Variants in SMARCA4 observed in about 807,000 individuals in gnomAD.
SMARCA4 encodes the protein SWI/SNF related BAF chromatin remodeling complex subunit ATPase 4.
SMARCA4 carries 31 observed loss-of-function variants against 193.9 expected under a neutral mutation model. The observed-to-expected ratio is 0.16, with a 90% CI of 0.12 to 0.22. The LOEUF is 0.22. Ranked by LOEUF, SMARCA4 falls within the 10% of genes least tolerant of loss-of-function variation. The pLI is 1.00. For missense variants in SMARCA4, 1,148 were observed against 2,296.0 expected (o/e 0.50, Z 10.22); for synonymous variants, 942 against 933.1 (o/e 1.01, Z -0.17).
At chr19:11,029,696 G>T (rs1467908830) in intron 24 of SMARCA4, among the ~76,000 whole-genome samples, 2 of 152,044 alleles carry the variant, frequency 1.3e-5, no homozygotes, top group Admixed American at 1.3e-4. Flanking sequence ...TTTTTGAGAC[G>T]GAGTTTCACT....
rs1425800122 is a variant in SMARCA4 at position 11,021,889 on chromosome 19, C to T, written c.2781C>T (p.Phe927=). The T allele has an allele frequency of 6.2e-7, 1 of 1,613,852 alleles. No individual in the cohort carries two copies. The highest frequency in any genetic ancestry group is 1.1e-5 in the South Asian group (1 of 91,082). The change falls in exon 19 of 35, where the codon TTC becomes TTT. Residue 927 remains phenylalanine (F), a synonymous_variant. Transcript: ENST00000344626. ...KLPELWALLN[F]LLPTIFKSCS... is the part of the protein sequence containing the mutation. Reference sequence around the variant, plus strand: ...CCGAGCTCTGGGCGCTGCTCAACTTCCTGCTGCCCACCATCTTCAAGAGCT... The same window carrying T: ...CCGAGCTCTGGGCGCTGCTCAACTTTCTGCTGCCCACCATCTTCAAGAGCT...
At chr19:10,983,118 G>A (rs1451321370) in intron 1 of SMARCA4, among the ~76,000 whole-genome samples, 3 of 152,150 alleles carry the variant, frequency 2.0e-5, no homozygotes, top group Non-Finnish European at 2.9e-5. Context: ...GTGTGGGTGC[G>A]TCTTCAGCCA....
chr19:10,982,228 A>G (rs2085610072), intron 1 of SMARCA4, among the ~76,000 whole-genome samples: 1 of 152,040 alleles, frequency 6.6e-6, no homozygotes, highest in South Asian at 2.1e-4. Context: ...TAATCCCAGC[A>G]CTTTGGGAGG....
chr19:10,976,345 GCCTC>G (rs1434446443), intron 1 of SMARCA4, among the ~76,000 whole-genome samples: 3 of 152,114 alleles, frequency 2.0e-5, no homozygotes, highest in Non-Finnish European at 4.4e-5. Flanking sequence ...TACAGGGCTG[GCCTC>G]ACCCCAGCCC....
At chr19:10,988,385 G>A (rs751408639) in intron 6 of SMARCA4, among the ~76,000 whole-genome samples, 4 of 152,148 alleles carry the variant, frequency 2.6e-5, no homozygotes, top group Non-Finnish European at 5.9e-5. Context: ...GGGATTACAG[G>A]CATGAGCCAC....
Position 10,986,944 on chromosome 19 carries a change from G to A in SMARCA4, c.800G>A (p.Gly267Asp), listed in dbSNP as rs746986969. ...GPNMPPPGPS[G>D]VPPGMPGQPP... ...AACATGCCTCCCCCAGGACCCTCGG[G>A]CGTGCCCCCCGGGATGCCAGGCCAG... The change falls in exon 5 of 35, where the codon GGC (glycine) becomes GAC (aspartate). Residue 267 changes from glycine to aspartate, a missense_variant. This residue lies in a region of SMARCA4 where 257 missense variants were observed against 276.5 expected (regional missense o/e 0.93). Transcript: ENST00000344626. The surrounding 1 kb of genome is among the most constrained non-coding windows in gnomAD (Gnocchi z 6.7). 4 of 1,611,856 alleles carry A rather than the reference G, an allele frequency of 2.5e-6. No individual in the cohort carries two copies. Among genetic ancestry groups the A allele is most frequent in the Non-Finnish European group, 3.4e-6 (4 of 1,179,958 alleles).
At chr19:10,995,406 C>T (rs535085482) in intron 9 of SMARCA4, 18 of 463,672 alleles carry the variant, frequency 3.9e-5, no homozygotes, top group South Asian at 1.5e-4. Flanking sequence ...GCTCTGTGTA[C>T]GGGGACATGG....
chr19:10,993,712 CTCGGCTCACTGCA>C lies in SMARCA4; in HGVS notation c.1420-1115_1420-1103del, dbSNP rs561515471. Among the ~76,000 whole-genome samples, 259 of 152,098 alleles carry C rather than the reference CTCGGCTCACTGCA, an allele frequency of 1.7e-3. 1 individual carries two copies. The highest frequency in any genetic ancestry group is 6.8e-3 in the Middle Eastern group (2 of 294). On this transcript the variant is annotated intron_variant, in intron 8 of 34. Coordinates refer to ENST00000344626, the MANE Select transcript of SMARCA4 (RefSeq NM_003072.5). The stretch of plus-strand genomic sequence containing the variant: ...CCACGCTGGAGTGCAGTGGCGCGAT[CTCGGCTCACTGCA>C]AGCTCTGCCTGCTGGGTTCATGCCA...
chr19:11,017,941 A>G (rs1259919386), intron 16 of SMARCA4, among the ~76,000 whole-genome samples: 1 of 152,220 alleles, frequency 6.6e-6, no homozygotes, highest in African/African-American at 2.4e-5. Flanking sequence ...GAGAGTGGGC[A>G]GGGCAAAAGG....
intron 13 of SMARCA4, among the ~76,000 whole-genome samples, chr19:11,006,946 G>T (rs1028903024): frequency 6.6e-5 from 10 of 151,884 alleles, no homozygotes; most frequent in Non-Finnish European, 1.5e-4. Context: ...AATTAGCCAA[G>T]TGTCATAGTG....
At chr19:10,992,313 C>T (rs2086629111) in intron 8 of SMARCA4, among the ~76,000 whole-genome samples, 2 of 150,628 alleles carry the variant, frequency 1.3e-5, no homozygotes, top group African/African-American at 4.9e-5. Flanking sequence ...GATGGGGTTT[C>T]ACCATGTTGG....
chr19:11,027,476 C>T (rs577240169), intron 23 of SMARCA4, among the ~76,000 whole-genome samples: 1 of 152,308 alleles, frequency 6.6e-6, no homozygotes, highest in Admixed American at 6.5e-5. Context: ...CATCCCTGTT[C>T]CAGCCCCGTG....
rs544801052 is a variant in SMARCA4, at chr19:11,058,073, T to C, written c.4425-182T>C. 6.7e-6 allele frequency among the ~76,000 whole-genome samples: 1 copy of C among 150,082 alleles called. No homozygotes were observed. The highest frequency in any genetic ancestry group is 2.5e-5 in the African/African-American group (1 of 40,782). ...GTGAGCCGAGATCGCACCATTGCACTCCAGCCTGGGCAGCAAGAGCGAAAC... is the reference window on the plus strand; with the variant it reads ...GTGAGCCGAGATCGCACCATTGCACCCCAGCCTGGGCAGCAAGAGCGAAAC... On this transcript the variant is annotated intron_variant, in intron 30 of 34. Coordinates refer to ENST00000344626, the MANE Select transcript of SMARCA4 (RefSeq NM_003072.5). This position sits in a 1 kb window ranked among gnomAD's most constrained non-coding sequence, Gnocchi z 5.8.
rs775979881 is a variant in SMARCA4 at position 11,031,014 on chromosome 19, C to T, written c.3546+121C>T. 4.5e-5 allele frequency: 42 copies of T among 930,880 alleles called. No homozygotes were observed. The highest frequency in any genetic ancestry group is 1.3e-4 in the African/African-American group (8 of 61,446). 57.7% of individuals were successfully genotyped at this position (930,880 alleles called of 1,614,324 possible). On this transcript the variant is annotated intron_variant, in intron 25 of 34. Transcript: ENST00000344626. This position sits in a 1 kb window ranked among gnomAD's most constrained non-coding sequence, Gnocchi z 4.3. ...CCACATTGTCTTGGACCCCAGGAGC[C>T]GGGAGGAGCTGCACCCATATCTCCA...
rs2145728354 is a variant in SMARCA4, at chr19:10,984,399, A to C, written c.222+26A>C. 6.4e-7 allele frequency: 1 copy of C among 1,557,236 alleles called. No individual in the cohort carries two copies. Among genetic ancestry groups the C allele is most frequent in the Non-Finnish European group, 8.7e-7 (1 of 1,150,718 alleles). On this transcript the variant is annotated intron_variant, in intron 2 of 34. Transcript: ENST00000344626. This position sits in a 1 kb window ranked among gnomAD's most constrained non-coding sequence, Gnocchi z 4.3. ...GTAGGGATCCCTGTGCCCGCCTCGC[A>C]CCTGCGGCCTCTGCCCACTAGGGCT...
At chr19:11,053,560 A>G (rs1024905426) in intron 30 of SMARCA4, among the ~76,000 whole-genome samples, 1 of 152,074 alleles carries the variant, frequency 6.6e-6, no homozygotes, top group Non-Finnish European at 1.5e-5. Context: ...GGTTCCCTTC[A>G]TGGAACAGTG....
chr19:10,974,692 T>G (rs57692497), intron 1 of SMARCA4, among the ~76,000 whole-genome samples: 1 of 29,598 alleles, frequency 3.4e-5, no homozygotes, highest in Admixed American at 3.8e-4. Context: ...TATATATATT[T>G]TTTTTTTTTT....
At position 10,989,425 on chromosome 19, in the gene SMARCA4, G is replaced by C. The variant is rs1555756424; in HGVS notation, c.1227G>C (p.Leu409=). 1 of 1,614,142 alleles carries C rather than the reference G, an allele frequency of 6.2e-7. No individual in the cohort carries two copies. Among genetic ancestry groups the C allele is most frequent in the Non-Finnish European group, 8.5e-7 (1 of 1,180,006 alleles). ...KATIELKALR[L]LNFQRQLRQE... ...CCATTGAGCTCAAGGCCCTCAGGCT[G>C]CTGAACTTCCAGAGGCAGGTGGGTG... is the stretch of plus-strand genomic sequence containing the variant. The change falls in exon 7 of 35, where the codon CTG becomes CTC. Residue 409 remains leucine, a synonymous_variant. Transcript: ENST00000344626.
In SMARCA4 at chr19:10,995,598, A is replaced by G. The variant is rs2086962895; in HGVS notation, c.1593+597A>G. Reference sequence around the variant, plus strand: ...AAGGGTGGCCCTGATGCACAAACGCAGAGACCCAGGGAAGGAGCCCCAGGC... The same window carrying G: ...AAGGGTGGCCCTGATGCACAAACGCGGAGACCCAGGGAAGGAGCCCCAGGC... On this transcript the variant is annotated intron_variant, in intron 9 of 34. Coordinates refer to ENST00000344626, the MANE Select transcript of SMARCA4 (RefSeq NM_003072.5). 4 of 426,442 alleles carry G rather than the reference A, an allele frequency of 9.4e-6. 1 individual carries two copies. Among genetic ancestry groups the G allele is most frequent in the South Asian group, 4.9e-5 (3 of 60,672 alleles). The allele number at this position is 426,442 out of a possible 1,614,324, so 26.4% of individuals were successfully genotyped here.
Sources: gnomAD v4.1 joint callset for allele counts (sites outside exome capture counted in the v4.1 genomes callset) on GRCh38, gnomAD v4.1.1 for gene constraint, gnomAD v4.1.1 regional missense constraint, Gnocchi (gnomAD v3.1) non-coding constraint, MANE v1.5 for transcripts, NCBI Gene and HGNC (gene_info 2026-07-23, HGNC 2026-07-21) for gene names.